Variants in MDGA2 observed in about 807,000 individuals in gnomAD.
MDGA2 encodes MAM domain containing glycosylphosphatidylinositol anchor 2.
In MDGA2, 40 loss-of-function variants were observed where a neutral mutation model predicts 117.8. The observed-to-expected ratio is 0.34, with a 90% CI of 0.26 to 0.44. MDGA2 has a LOEUF of 0.44. Among genes scored for constraint, MDGA2 ranks in the 20% least tolerant of loss-of-function variants. The pLI is 1.00. For synonymous variants in MDGA2, 452 were observed against 439.0 expected (o/e 1.03, Z -0.37); for missense variants, 1,123 against 1,250.6 (o/e 0.90, Z 1.54).
chr14:47,186,244 C>T (rs1218615891), intron 3 of MDGA2, among the ~76,000 whole-genome samples: 3 of 151,312 alleles, frequency 2.0e-5, no homozygotes, highest in African/African-American at 7.3e-5. Flanking sequence ...AACTCCCACC[C>T]CATATCAATT....
At chr14:47,370,620 T>C (rs1237939285) in intron 1 of MDGA2, among the ~76,000 whole-genome samples, 2 of 150,960 alleles carry the variant, frequency 1.3e-5, no homozygotes, top group African/African-American at 4.9e-5. Flanking sequence ...GTGTTGTTTA[T>C]TGAAATAGTT....
chr14:47,280,403 T>C (rs191232334), intron 2 of MDGA2, among the ~76,000 whole-genome samples: 26 of 151,612 alleles, frequency 1.7e-4, no homozygotes, highest in Non-Finnish European at 2.8e-4. Flanking sequence ...AGTTAATTCT[T>C]GTGTACAATT....
At chr14:46,985,598 T>C (rs998492791) in intron 8 of MDGA2, among the ~76,000 whole-genome samples, 10 of 152,046 alleles carry the variant, frequency 6.6e-5, no homozygotes, top group African/African-American at 2.4e-4. Flanking sequence ...CAAACAACAG[T>C]AGAAAAATCT....
At chr14:47,147,820 T>A (rs954545730) in intron 3 of MDGA2, among the ~76,000 whole-genome samples, 4 of 152,150 alleles carry the variant, frequency 2.6e-5, no homozygotes, top group African/African-American at 9.7e-5. Context: ...ACTATATCCA[T>A]CATCTCCTTC....
chr14:46,916,263 C>A (rs1227806424), intron 10 of MDGA2, among the ~76,000 whole-genome samples: 13 of 152,130 alleles, frequency 8.5e-5, no homozygotes, highest in Admixed American at 3.3e-4. Context: ...GTCCCAGCAT[C>A]CTCCATAGGA....
At chr14:46,962,579 G>T (rs1595072365) in intron 8 of MDGA2, among the ~76,000 whole-genome samples, 1 of 152,086 alleles carries the variant, frequency 6.6e-6, no homozygotes, top group Admixed American at 6.6e-5. Flanking sequence ...ATTTGACAAA[G>T]TATTTTTCAA....
intron 1 of MDGA2, among the ~76,000 whole-genome samples, chr14:47,516,715 A>G (rs564253127): frequency 6.6e-6 from 1 of 152,308 alleles, no homozygotes; most frequent in Non-Finnish European, 1.5e-5. Context: ...GAAGCACTGC[A>G]GATAAGCAAA....
intron 3 of MDGA2, among the ~76,000 whole-genome samples, chr14:47,155,873 T>TTTCTTC (rs1478151626): frequency 5.7e-5 from 6 of 105,876 alleles, no homozygotes; most frequent in East Asian, 5.3e-4. Flanking sequence ...ATTCTTTTCT[T>TTTCTTC]TTCTTCTTCT....
intron 1 of MDGA2, among the ~76,000 whole-genome samples, chr14:47,312,684 T>G: frequency 9.7e-6 from 1 of 102,962 alleles, no homozygotes; most frequent in Non-Finnish European, 2.0e-5. Context: ...TTAGTTTTTT[T>G]TTTGTTTTGT....
intron 3 of MDGA2, among the ~76,000 whole-genome samples, chr14:47,177,669 A>C (rs1482416134): frequency 1.3e-5 from 2 of 152,146 alleles, no homozygotes; most frequent in Non-Finnish European, 2.9e-5. Flanking sequence ...GGCAGTGGGG[A>C]GGGATAGCAG....
chr14:46,952,604 C>A (rs1885407773), intron 9 of MDGA2, among the ~76,000 whole-genome samples: 1 of 151,958 alleles, frequency 6.6e-6, no homozygotes, highest in South Asian at 2.1e-4. Flanking sequence ...AAAATATTAT[C>A]ACAGCCTGCA....
intron 7 of MDGA2, among the ~76,000 whole-genome samples, chr14:47,045,772 C>G (rs1278038547): frequency 6.6e-6 from 1 of 152,076 alleles, no homozygotes; most frequent in African/African-American, 2.4e-5. Flanking sequence ...TGAGACCAGC[C>G]TGGCCAACAT....
intron 7 of MDGA2, chr14:47,059,151 C>T: frequency 1.2e-6 from 1 of 835,350 alleles, no homozygotes; most frequent in Non-Finnish European, 1.6e-6. Context: ...AAGGTGTATG[C>T]ATAAATTAGT....
intron 1 of MDGA2, among the ~76,000 whole-genome samples, chr14:47,666,590 C>G (rs1336667424): frequency 6.6e-6 from 1 of 152,190 alleles, no homozygotes; most frequent in Non-Finnish European, 1.5e-5. Context: ...ACGGACCAAT[C>G]AGCTCTCTGT....
chr14:46,899,035 G>T (rs1595030657), intron 10 of MDGA2, among the ~76,000 whole-genome samples: 1 of 152,000 alleles, frequency 6.6e-6, no homozygotes, highest in African/African-American at 2.4e-5. Context: ...AACCTAAGGG[G>T]AAAATCGCAG....
intron 1 of MDGA2, among the ~76,000 whole-genome samples, chr14:47,543,863 G>A (rs1403410671): frequency 3.9e-5 from 6 of 152,078 alleles, no homozygotes; most frequent in Non-Finnish European, 5.9e-5. Flanking sequence ...AGCAGGGGTC[G>A]GTTTCTTAAC....
At chr14:46,942,673 A>G (rs1885040500) in intron 9 of MDGA2, among the ~76,000 whole-genome samples, 1 of 152,090 alleles carries the variant, frequency 6.6e-6, no homozygotes, top group Non-Finnish European at 1.5e-5. Context: ...CACTTTCTGT[A>G]TTTGGTTCTT....
intron 1 of MDGA2, among the ~76,000 whole-genome samples, chr14:47,414,747 G>A (rs1462898323): frequency 6.6e-6 from 1 of 151,988 alleles, no homozygotes; most frequent in East Asian, 1.9e-4. Context: ...GATCATTGTT[G>A]AGATTTGTGA....
At chr14:47,024,470 G>A (rs942356967) in intron 8 of MDGA2, among the ~76,000 whole-genome samples, 2 of 152,116 alleles carry the variant, frequency 1.3e-5, no homozygotes, top group Non-Finnish European at 2.9e-5. Flanking sequence ...TAACTTATAA[G>A]AATGAATACT....
Sources: allele counts gnomAD v4.1 joint callset (sites outside exome capture counted in the v4.1 genomes callset), GRCh38; gene constraint gnomAD v4.1.1; transcripts MANE v1.5; gene names NCBI Gene and HGNC (gene_info 2026-07-23, HGNC 2026-07-21).